DEPDC5: variants seen among roughly 807,000 people sequenced by gnomAD.
DEPDC5 encodes the protein GATOR1 complex protein DEPDC5.
A neutral mutation model predicts 217.3 loss-of-function variants in DEPDC5; 73 were observed. The observed-to-expected ratio is 0.34, with a 90% CI of 0.28 to 0.41. The LOEUF is 0.41. DEPDC5 is among the 10% of genes least tolerant of loss of function. The pLI is 1.00. For synonymous variants in DEPDC5, 733 were observed against 756.7 expected (o/e 0.97, Z 0.51); for missense variants, 1,675 against 2,070.1 (o/e 0.81, Z 3.70).
intron 6 of DEPDC5, among the ~76,000 whole-genome samples, chr22:31,767,827 AG>A (rs1265533279): frequency 1.3e-5 from 2 of 151,524 alleles, no homozygotes; most frequent in Non-Finnish European, 2.9e-5. Flanking sequence ...GCTCACTGCA[AG>A]CTCTGCCTCC....
chr22:31,855,313 G>A (rs1195266736), intron 31 of DEPDC5, among the ~76,000 whole-genome samples: 1 of 151,350 alleles, frequency 6.6e-6, no homozygotes, highest in African/African-American at 2.4e-5. Context: ...TAGAAAAATT[G>A]TTATCTTTTA....
intron 25 of DEPDC5, chr22:31,836,771 A>C (rs2091030207): frequency 1.7e-6 from 1 of 583,226 alleles, no homozygotes. Flanking sequence ...TTGGATAAGC[A>C]TGTGCACTGC....
intron 24 of DEPDC5, among the ~76,000 whole-genome samples, chr22:31,825,418 A>C (rs1388728688): frequency 6.6e-6 from 1 of 152,166 alleles, no homozygotes; most frequent in Non-Finnish European, 1.5e-5. Flanking sequence ...TTGGAAAAGC[A>C]TTTGCTGCAA....
chr22:31,799,045 CTT>C (rs552961998), intron 14 of DEPDC5, among the ~76,000 whole-genome samples: 18 of 138,584 alleles, frequency 1.3e-4, no homozygotes, highest in Admixed American at 2.2e-4. Context: ...AGCAAACTTA[CTT>C]TTTTTTTTTT....
intron 29 of DEPDC5, among the ~76,000 whole-genome samples, chr22:31,844,064 A>G (rs565523960): frequency 1.1e-3 from 175 of 152,180 alleles, no homozygotes; most frequent in African/African-American, 4.1e-3. Context: ...TGTCTCTACT[A>G]AAAATACAAA....
At chr22:31,864,227 GCCTC>G (rs2092609809) in intron 33 of DEPDC5, among the ~76,000 whole-genome samples, 1 of 151,022 alleles carries the variant, frequency 6.6e-6, no homozygotes, top group Non-Finnish European at 1.5e-5. Context: ...TCCTGCCCCA[GCCTC>G]CCTAGTAGTT....
At chr22:31,855,804 T>A (rs2092265680) in intron 31 of DEPDC5, among the ~76,000 whole-genome samples, 1 of 152,110 alleles carries the variant, frequency 6.6e-6, no homozygotes, top group Non-Finnish European at 1.5e-5. Context: ...TGTATATGTT[T>A]GTATTTTTTC....
chr22:31,861,566 C>A, intron 33 of DEPDC5, 133 bp downstream of exon 33: 1 of 884,692 alleles, frequency 1.1e-6, no homozygotes, highest in Non-Finnish European at 1.8e-6. Flanking sequence ...AATTTGGTCT[C>A]AGAATTGTAC....
At chr22:31,886,032 CAAAAAA>C (rs1234869480) in intron 38 of DEPDC5, among the ~76,000 whole-genome samples, 1 of 105,224 alleles carries the variant, frequency 9.5e-6, no homozygotes, top group African/African-American at 3.4e-5. Flanking sequence ...GACTCCCTCT[CAAAAAA>C]AAAAAAAAAA....
chr22:31,876,255 G>T lies in DEPDC5; in HGVS notation c.3795G>T (p.Glu1265Asp). 6.2e-7 allele frequency: 1 copy of T among 1,613,464 alleles called. No individual in the cohort carries two copies. Among genetic ancestry groups the T allele is most frequent in the Non-Finnish European group, 8.5e-7 (1 of 1,179,954 alleles). Residue 1265 changes from glutamate (E) to aspartate (D), a missense_variant, in exon 37 of 43, where the codon GAG (glutamate) becomes GAT (aspartate). Glu to Asp is a conservative substitution (Grantham distance 45). This residue lies in a region of DEPDC5 where 194 missense variants were observed against 199.3 expected (regional missense o/e 0.97). Transcript: ENST00000651528. ...TCTACAAGATAGTAACGGACAAAGA[G>T]CCCGACCGAGGTTAGAGCCGAGGCG... ...FYFYKIVTDKEPDRVAMQQPA... is the reference protein window; with the variant it reads ...FYFYKIVTDKDPDRVAMQQPA...
At chr22:31,856,868 C>T (rs2092324299) in intron 31 of DEPDC5, among the ~76,000 whole-genome samples, 1 of 152,138 alleles carries the variant, frequency 6.6e-6, no homozygotes. Flanking sequence ...CTCCTGAGTT[C>T]AAGTGATTCT....
intron 20 of DEPDC5, among the ~76,000 whole-genome samples, chr22:31,812,637 G>A (rs1191116132): frequency 6.8e-6 from 1 of 147,024 alleles, no homozygotes; most frequent in African/African-American, 2.5e-5. Context: ...TGTTAGCCAG[G>A]ATGGTCTCGA....
In DEPDC5 at chr22:31,834,011, G is replaced by T. The variant is rs1371899724; in HGVS notation, c.2170+31G>T. On this transcript the variant is annotated intron_variant, in intron 25 of 42. Transcript: ENST00000651528. ...AGGGGGCAGCTGACTGGGGAAAGGG[G>T]TAGACAGGGAGTGTGGGGTGGTCAG... 1.9e-6 allele frequency: 3 copies of T among 1,606,948 alleles called. No individual in the cohort carries two copies. In the African/African-American group the frequency reaches 4.0e-5, roughly 21 times the overall value.
chr22:31,879,085 TATATATATACACATATATATAC>T lies in DEPDC5; in HGVS notation c.3806-418_3806-397del, dbSNP rs1327376274. ...ATATATATACACACACACACACGTA[TATATATATACACATATATATAC>T]ATATATATACACATATATATATACA... On this transcript the variant is annotated intron_variant, in intron 37 of 42. Coordinates refer to ENST00000651528, the MANE Select transcript of DEPDC5 (RefSeq NM_001242896.3). Among the ~76,000 whole-genome samples, 1,367 of 138,464 alleles carry T rather than the reference TATATATATACACATATATATAC, an allele frequency of 9.9e-3. 21 individuals are homozygous for T. The highest frequency in any genetic ancestry group is 0.037 in the African/African-American group (1,296 of 34,646). The allele number at this position is 138,464 out of a possible 152,430, so 90.8% of individuals were successfully genotyped here. A position where few individuals can be genotyped will look rare whatever the true frequency, so the allele number is the denominator to read the frequency against.
At chr22:31,806,975 G>A (rs2087620764) in intron 18 of DEPDC5, among the ~76,000 whole-genome samples, 3 of 152,212 alleles carry the variant, frequency 2.0e-5, no homozygotes, top group Admixed American at 2.0e-4. Context: ...TTGCGCCATT[G>A]CACGCTAACC....
chr22:31,776,985 CAG>C (rs2083927991), intron 7 of DEPDC5, among the ~76,000 whole-genome samples: 2 of 149,606 alleles, frequency 1.3e-5, no homozygotes, highest in South Asian at 4.3e-4. Context: ...TTTTTTGAGA[CAG>C]AGTCTCGCTC....
intron 39 of DEPDC5, among the ~76,000 whole-genome samples, chr22:31,896,800 A>G (rs1312871197): frequency 1.3e-5 from 2 of 152,012 alleles, no homozygotes; most frequent in Admixed American, 6.6e-5. Flanking sequence ...TTGTTTTCCT[A>G]TTTGATACTT....
intron 32 of DEPDC5, chr22:31,858,211 C>G (rs981702198): frequency 6.6e-6 from 1 of 152,142 alleles, no homozygotes; most frequent in Non-Finnish European, 1.5e-5. Context: ...CACCAGAGCT[C>G]GCTCTTCTTT....
intron 8 of DEPDC5, among the ~76,000 whole-genome samples, chr22:31,779,825 T>C (rs2084245882): frequency 6.6e-6 from 1 of 152,174 alleles, no homozygotes; most frequent in Non-Finnish European, 1.5e-5. Context: ...GGGTAGGAAT[T>C]CCATGATCCA....
Sources: gnomAD v4.1 joint callset for allele counts (sites outside exome capture counted in the v4.1 genomes callset) on GRCh38, gnomAD v4.1.1 for gene constraint, gnomAD v4.1.1 regional missense constraint, MANE v1.5 for transcripts, NCBI Gene and HGNC (gene_info 2026-07-23, HGNC 2026-07-21) for gene names.